Variants in CCSER1 observed in about 807,000 individuals in gnomAD.
The protein encoded by CCSER1 is coiled-coil serine rich protein 1, also known as serine-rich coiled-coil domain-containing protein 1.
Under a neutral mutation model 82.0 loss-of-function variants are expected in CCSER1, and 41 were observed. The ratio of observed to expected loss-of-function variants is 0.50; its 90% CI spans 0.39 to 0.65. The LOEUF (loss-of-function observed/expected upper bound fraction) is 0.65. CCSER1 is among the 30% of genes least tolerant of loss of function. The pLI, the probability that CCSER1 is intolerant of heterozygous loss-of-function variation, is 0.00. For synonymous variants in CCSER1, 414 were observed against 383.9 expected, an observed-to-expected ratio of 1.08 and a Z score of -0.92; for missense variants, 1,119 against 1,064.2, an observed-to-expected ratio of 1.05 and a Z score of -0.72.
rs181852212 is a variant in CCSER1, at chr4:90,666,578, C to A, written c.1932+38346C>A. Among the ~76,000 whole-genome samples, 323 of 152,250 alleles carry A rather than the reference C, an allele frequency of 2.1e-3. 1 individual carries two copies. Among genetic ancestry groups the A allele is most frequent in the African/African-American group, 7.3e-3 (305 of 41,564 alleles). On this transcript the variant is annotated intron_variant, in intron 6 of 10. Transcript: ENST00000509176. ...GAGGATGATACCAGCATGAGCCTCACAGATTGGGGGAATACTGCAGGCTAT... is the reference window on the plus strand; with the variant it reads ...GAGGATGATACCAGCATGAGCCTCAAAGATTGGGGGAATACTGCAGGCTAT...
In CCSER1 at chr4:90,180,097, T is replaced by G. The variant is rs1004287049; in HGVS notation, c.-42+52266T>G. ...GTAAAACAGGGAAGTTGTTGGAGTT[T>G]GATGTATGTATTGCTTATGTAGTTA... On this transcript the variant is annotated intron_variant, in intron 1 of 10. Coordinates refer to ENST00000509176, the MANE Select transcript of CCSER1 (RefSeq NM_001145065.2). 2.0e-5 allele frequency among the ~76,000 whole-genome samples: 3 copies of G among 146,690 alleles called. No individual in the cohort carries two copies. In the East Asian group the frequency reaches 6.1e-4, roughly 30 times the overall value.
Position 90,798,190 on chromosome 4 carries a change from C to T in CCSER1, c.2011-17572C>T, listed in dbSNP as rs181247842. Among the ~76,000 whole-genome samples the T allele has an allele frequency of 6.9e-4, 105 of 151,964 alleles. 1 individual carries two copies. Among genetic ancestry groups the T allele is most frequent in the Non-Finnish European group, 1.3e-3 (86 of 68,006 alleles). ...TTTGCTCATTTTCATTCTTTTTTCTCTATATTTGTCTGACTGCCTTATTTC... is the reference window on the plus strand; with the variant it reads ...TTTGCTCATTTTCATTCTTTTTTCTTTATATTTGTCTGACTGCCTTATTTC... On this transcript the variant is annotated intron_variant, in intron 7 of 10. Coordinates refer to ENST00000509176, the MANE Select transcript of CCSER1 (RefSeq NM_001145065.2).
In CCSER1 at chr4:91,381,766, C is replaced by T. The variant is rs550051618; in HGVS notation, c.2218-216806C>T. Among the ~76,000 whole-genome samples, 6 of 152,348 alleles carry T rather than the reference C, an allele frequency of 3.9e-5. No individual in the cohort carries two copies. In the South Asian group the frequency reaches 1.0e-3, roughly 26 times the overall value. ...CTCGTCAAAGTCATTCTCTGTCCAG[C>T]TTTGCTCCATTGCTGGTGAGGATCT... On this transcript the variant is annotated intron_variant, in intron 10 of 10. Coordinates refer to ENST00000509176, the MANE Select transcript of CCSER1 (RefSeq NM_001145065.2).
Position 91,604,400 on chromosome 4 carries a change from T to A in CCSER1, c.*5343T>A, listed in dbSNP as rs1764901670. The A allele has an allele frequency of 6.6e-6, 1 of 152,140 alleles. No individual in the cohort carries two copies. The highest frequency in any genetic ancestry group is 2.1e-4 in the South Asian group (1 of 4,836). The allele number at this position is 152,140 out of a possible 1,614,324, so 9.4% of individuals were successfully genotyped here. ...TTGAAAAGCAGTTTTAAAACAATTA[T>A]TGACATTTAATAAATACAGAATTTT... On this transcript the variant is annotated 3_prime_UTR_variant, in exon 11 of 11. Coordinates refer to ENST00000509176, the MANE Select transcript of CCSER1 (RefSeq NM_001145065.2).
intron 10 of CCSER1, among the ~76,000 whole-genome samples, chr4:91,307,165 T>G (rs1476888008): frequency 6.6e-6 from 1 of 151,970 alleles, no homozygotes; most frequent in Non-Finnish European, 1.5e-5. Flanking sequence ...ATCCATTATG[T>G]ATTAACTCTT....
chr4:91,575,043 T>C (rs1005614806), intron 10 of CCSER1, among the ~76,000 whole-genome samples: 3 of 151,350 alleles, frequency 2.0e-5, no homozygotes, highest in African/African-American at 7.3e-5. Flanking sequence ...AGAATAGAAA[T>C]CCCAGAAATA....
chr4:91,163,057 T>C (rs1042240017), intron 10 of CCSER1, among the ~76,000 whole-genome samples: 3 of 152,246 alleles, frequency 2.0e-5, no homozygotes, highest in African/African-American at 7.2e-5. Context: ...CTGCTTTCTC[T>C]TGTGGGCATT....
intron 10 of CCSER1, among the ~76,000 whole-genome samples, chr4:91,393,675 C>T (rs556284450): frequency 7.9e-5 from 12 of 152,018 alleles, no homozygotes; most frequent in Admixed American, 2.0e-4. Flanking sequence ...TATAGCTCAT[C>T]CTGATTGTGT....
At chr4:90,868,074 A>G (rs753186595) in intron 8 of CCSER1, among the ~76,000 whole-genome samples, 3 of 152,062 alleles carry the variant, frequency 2.0e-5, no homozygotes, top group African/African-American at 4.8e-5. Context: ...GTGGATACAG[A>G]GTAGTTGAAT....
At chr4:90,819,184 G>A (rs560733272) in intron 8 of CCSER1, among the ~76,000 whole-genome samples, 1 of 152,206 alleles carries the variant, frequency 6.6e-6, no homozygotes, top group African/African-American at 2.4e-5. Flanking sequence ...GGGAGAAAGA[G>A]AGATCATGTG....
At chr4:90,911,391 G>A (rs1726333452) in intron 8 of CCSER1, 2 of 449,004 alleles carry the variant, frequency 4.5e-6, no homozygotes, top group Non-Finnish European at 8.9e-6. Flanking sequence ...TCTGTATAAT[G>A]TTGCATTTTC....
chr4:90,365,252 A>C (rs1326346495), intron 3 of CCSER1, among the ~76,000 whole-genome samples: 2 of 151,916 alleles, frequency 1.3e-5, no homozygotes, highest in Non-Finnish European at 2.9e-5. Flanking sequence ...GTTAATACAG[A>C]ATTCAATGAG....
chr4:91,346,317 A>G (rs1255207759), intron 10 of CCSER1, among the ~76,000 whole-genome samples: 1 of 151,964 alleles, frequency 6.6e-6, no homozygotes, highest in African/African-American at 2.4e-5. Flanking sequence ...GCCTGGTCTT[A>G]TTTCTTTTTA....
chr4:91,520,330 C>T (rs944976884), intron 10 of CCSER1, among the ~76,000 whole-genome samples: 2 of 149,266 alleles, frequency 1.3e-5, no homozygotes, highest in South Asian at 4.2e-4. Context: ...TCAGTGTTGA[C>T]CAGATTGGCC....
intron 1 of CCSER1, among the ~76,000 whole-genome samples, chr4:90,291,659 TG>T (rs1419938792): frequency 6.6e-6 from 1 of 152,058 alleles, no homozygotes; most frequent in Non-Finnish European, 1.5e-5. Flanking sequence ...AGGAAAGAAA[TG>T]AGCTAAATTT....
chr4:91,035,579 T>G, intron 9 of CCSER1, among the ~76,000 whole-genome samples: 1 of 152,170 alleles, frequency 6.6e-6, no homozygotes, highest in East Asian at 1.9e-4. Flanking sequence ...ACTTCTCTTT[T>G]TATTTACAGA....
chr4:90,659,279 G>C (rs1161758753), intron 6 of CCSER1, among the ~76,000 whole-genome samples: 1 of 152,072 alleles, frequency 6.6e-6, no homozygotes, highest in Non-Finnish European at 1.5e-5. Flanking sequence ...TTGCTTTCAT[G>C]CTTGCCCTAG....
intron 5 of CCSER1, among the ~76,000 whole-genome samples, chr4:90,525,637 C>CAG (rs1773662720): frequency 6.6e-6 from 1 of 151,886 alleles, no homozygotes; most frequent in Non-Finnish European, 1.5e-5. Flanking sequence ...CTATTATTTT[C>CAG]AGACTTTTTT....
At chr4:91,598,505 CT>C in intron 10 of CCSER1, 66 bp from the exon 11 acceptor site, 1 of 1,410,140 alleles carries the variant, frequency 7.1e-7, no homozygotes, top group Non-Finnish European at 9.4e-7. Context: ...AAATATCACT[CT>C]GTATTGTATG....
Sources: gnomAD v4.1 joint callset for allele counts (sites outside exome capture counted in the v4.1 genomes callset) on GRCh38, gnomAD v4.1.1 for gene constraint, MANE v1.5 for transcripts, NCBI Gene and HGNC (gene_info 2026-07-23, HGNC 2026-07-21) for gene names.